Variants in NUDT5 observed in about 807,000 individuals in gnomAD.
NUDT5 encodes the protein ADP-sugar pyrophosphatase.
A neutral mutation model predicts 34.1 loss-of-function variants in NUDT5; 21 were observed. The ratio of observed to expected loss-of-function variants is 0.62; its 90% CI spans 0.44 to 0.89. The LOEUF (loss-of-function observed/expected upper bound fraction) is 0.89. NUDT5 is among the 40% of genes least tolerant of loss of function. The probability of loss-of-function intolerance (pLI) is 0.00; values close to 1 mark genes in which losing one functional copy is unlikely to be tolerated. For missense variants in NUDT5, 249 were observed against 274.8 expected (o/e 0.91, Z 0.66); for synonymous variants, 85 against 97.6 (o/e 0.87, Z 0.76).
chr10:12,169,353 A>G lies in NUDT5; in HGVS notation c.550+1364T>C, dbSNP rs752147895. The G allele has an allele frequency of 2.7e-6, 4 of 1,487,032 alleles. No homozygotes were observed. Among genetic ancestry groups the G allele is most frequent in the Admixed American group, 2.0e-5 (1 of 49,228 alleles). 92.1% of individuals were successfully genotyped at this position (1,487,032 alleles called of 1,614,324 possible). On this transcript the variant is annotated intron_variant, in intron 9 of 9. Transcript: ENST00000491614. This position sits in a 1 kb window ranked among gnomAD's most constrained non-coding sequence, Gnocchi z 4.8. The stretch of plus-strand genomic sequence containing the variant: ...AAGATAACCCCGCACGGCATTTCAC[A>G]CTTGCCTACGTCACCCTGCTTTCCA...
Position 12,181,017 on chromosome 10 carries a change from G to C in NUDT5, c.132-1885C>G, listed in dbSNP as rs1358904235. On this transcript the variant is annotated intron_variant, in intron 3 of 9. Transcript: ENST00000491614. The surrounding 1 kb of genome is among the most constrained non-coding windows in gnomAD (Gnocchi z 5.0). ...TTCATGAATGAGACGGTGGAACATA[G>C]GATTCTCTAGCTGCTATTTTATCTC... Among the ~76,000 whole-genome samples, 1 of 152,126 alleles carries C rather than the reference G, an allele frequency of 6.6e-6. No homozygotes were observed. The highest frequency in any genetic ancestry group is 1.5e-5 in the Non-Finnish European group (1 of 68,028).
Position 12,175,447 on chromosome 10 carries a change from G to C in NUDT5, c.290-1634C>G, listed in dbSNP as rs1834931765. ...GATCACTTGAGGCCAGGAGTTTGGG[G>C]CCAGCCTGGGTGACAAAGCAAAACC... On this transcript the variant is annotated intron_variant, in intron 5 of 9. Coordinates refer to ENST00000491614, the MANE Select transcript of NUDT5 (RefSeq NM_014142.4). The surrounding 1 kb of genome is among the most constrained non-coding windows in gnomAD (Gnocchi z 4.8). 1.3e-5 allele frequency among the ~76,000 whole-genome samples: 2 copies of C among 151,872 alleles called. No homozygotes were observed. The highest frequency in any genetic ancestry group is 4.8e-5 in the African/African-American group (2 of 41,346).
intron 3 of NUDT5, among the ~76,000 whole-genome samples, chr10:12,183,322 C>T (rs1835073916): frequency 1.3e-5 from 2 of 152,310 alleles, no homozygotes; most frequent in South Asian, 4.1e-4. Flanking sequence ...GTTGGTGGAT[C>T]ATACTGTGCT....
rs571324729 is a variant in NUDT5, at chr10:12,194,121, CGCCTCG to C, written c.-42+1643_-42+1648del. Among the ~76,000 whole-genome samples, 37 of 152,330 alleles carry C rather than the reference CGCCTCG, an allele frequency of 2.4e-4. No individual in the cohort carries two copies. The South Asian group carries it at 7.4e-3, about 31-fold the overall frequency. ...AACTCCTGACCTCAGGTGATGCGCC[CGCCTCG>C]GCCTCCCAGAGTGCTGGGATCACAG... On this transcript the variant is annotated intron_variant, in intron 1 of 9. Coordinates refer to ENST00000491614, the MANE Select transcript of NUDT5 (RefSeq NM_014142.4).
At chr10:12,192,804 T>C (rs912535472) in intron 1 of NUDT5, among the ~76,000 whole-genome samples, 3 of 152,056 alleles carry the variant, frequency 2.0e-5, no homozygotes, top group Admixed American at 2.0e-4. Context: ...TGAGCCAAGA[T>C]TGCACCACTG....
chr10:12,170,058 C>A lies in NUDT5; in HGVS notation c.550+659G>T. The A allele has an allele frequency of 6.4e-7, 1 of 1,566,232 alleles. No homozygotes were observed. Among genetic ancestry groups the A allele is most frequent in the Non-Finnish European group, 8.8e-7 (1 of 1,137,926 alleles). Reference sequence around the variant, plus strand: ...GGTATGTCTCCATACAGTATCTCCTCGTCTCCACACAGTATCTCCTCATGT... The same window carrying A: ...GGTATGTCTCCATACAGTATCTCCTAGTCTCCACACAGTATCTCCTCATGT... On this transcript the variant is annotated intron_variant, in intron 9 of 9. Transcript: ENST00000491614. The surrounding 1 kb of genome is among the most constrained non-coding windows in gnomAD (Gnocchi z 4.9).
chr10:12,192,423 A>G (rs1236430882), intron 1 of NUDT5, among the ~76,000 whole-genome samples: 1 of 152,244 alleles, frequency 6.6e-6, no homozygotes, highest in African/African-American at 2.4e-5. Flanking sequence ...GGGCATGTCT[A>G]AAGTGGCAAT....
At position 12,165,527 on chromosome 10, in the gene NUDT5, T is replaced by C. The variant is rs1250967142; in HGVS notation, c.*2175A>G. The C allele has an allele frequency of 1.3e-5, 3 of 228,092 alleles. No homozygotes were observed. Among genetic ancestry groups the C allele is most frequent in the Admixed American group, 6.5e-5 (1 of 15,354 alleles). The allele number at this position is 228,092 out of a possible 1,614,324, so 14.1% of individuals were successfully genotyped here. A position where few individuals can be genotyped will look rare whatever the true frequency, so the allele number is the denominator to read the frequency against. On this transcript the variant is annotated 3_prime_UTR_variant, in exon 10 of 10. Transcript: ENST00000491614. Reference sequence around the variant, plus strand: ...TAATCCTAAATTATTGACAGATAGATAGATAGTGACCAACTTAAGGGTAAT... The same window carrying C: ...TAATCCTAAATTATTGACAGATAGACAGATAGTGACCAACTTAAGGGTAAT...
In NUDT5 at chr10:12,169,237, T is replaced by C; in HGVS notation, c.551-1426A>G. 1 of 1,520,172 alleles carries C rather than the reference T, an allele frequency of 6.6e-7. No individual in the cohort carries two copies. Among genetic ancestry groups the C allele is most frequent in the East Asian group, 2.5e-5 (1 of 40,634 alleles). 94.2% of individuals were successfully genotyped at this position (1,520,172 alleles called of 1,614,324 possible). A position where few individuals can be genotyped will look rare whatever the true frequency, so the allele number is the denominator to read the frequency against. ...TCTCCACCTCCCCTCACTTATTCTA[T>C]TTTTTTCTCCCTTTTCTAAGACCAA... On this transcript the variant is annotated intron_variant, in intron 9 of 9. Transcript: ENST00000491614. The surrounding 1 kb of genome is among the most constrained non-coding windows in gnomAD (Gnocchi z 4.8).
intron 3 of NUDT5, among the ~76,000 whole-genome samples, chr10:12,183,413 CT>C (rs1203362555): frequency 6.6e-6 from 1 of 152,172 alleles, no homozygotes; most frequent in Non-Finnish European, 1.5e-5. Context: ...CACATTAGGC[CT>C]TATTAAGGGC....
intron 1 of NUDT5, among the ~76,000 whole-genome samples, chr10:12,191,425 A>ACC (rs1554804191): frequency 6.6e-6 from 1 of 152,016 alleles, no homozygotes; most frequent in Admixed American, 6.6e-5. Context: ...ACAAAGGAAA[A>ACC]ACCACCACCA....
rs1834932680 is a variant in NUDT5 at position 12,175,488 on chromosome 10, AT to A, written c.290-1676del. Among the ~76,000 whole-genome samples, 1 of 152,030 alleles carries A rather than the reference AT, an allele frequency of 6.6e-6. No homozygotes were observed. The highest frequency in any genetic ancestry group is 2.4e-5 in the African/African-American group (1 of 41,386). On this transcript the variant is annotated intron_variant, in intron 5 of 9. Coordinates refer to ENST00000491614, the MANE Select transcript of NUDT5 (RefSeq NM_014142.4). This position sits in a 1 kb window ranked among gnomAD's most constrained non-coding sequence, Gnocchi z 4.8. Reference sequence around the variant, plus strand: ...AAGCAAAACCCCATCTCTACAAAAAATTTAAAAATCGAATGCGGTGATGCAC... The same window carrying A: ...AAGCAAAACCCCATCTCTACAAAAAATTAAAAATCGAATGCGGTGATGCAC...
Position 12,195,883 on chromosome 10 carries a change from A to G in NUDT5, c.-155T>C. 7.1e-6 allele frequency: 2 copies of G among 280,078 alleles called. No homozygotes were observed. The highest frequency in any genetic ancestry group is 1.4e-5 in the Non-Finnish European group (2 of 143,474). The allele number at this position is 280,078 out of a possible 1,614,324, so 17.3% of individuals were successfully genotyped here. A position where few individuals can be genotyped will look rare whatever the true frequency, so the allele number is the denominator to read the frequency against. ...CACCGGCGCCTCTCGCGGTGCTAAAAGGATGGGCGCGCACCCTCCTTCCGG... is the reference window on the plus strand; with the variant it reads ...CACCGGCGCCTCTCGCGGTGCTAAAGGGATGGGCGCGCACCCTCCTTCCGG... On this transcript the variant is annotated 5_prime_UTR_variant, in exon 1 of 10. Transcript: ENST00000491614.
At chr10:12,177,663 G>C in intron 5 of NUDT5, 130 bp downstream of exon 5, 1 of 691,932 alleles carries the variant, frequency 1.4e-6, no homozygotes, top group Non-Finnish European at 2.5e-6. Context: ...GCCTCGCTAC[G>C]AAATGGTTTA....
chr10:12,176,293 G>A (rs1834949011), intron 5 of NUDT5, among the ~76,000 whole-genome samples: 3 of 152,186 alleles, frequency 2.0e-5, no homozygotes, highest in Non-Finnish European at 2.9e-5. Context: ...TGTGTTACCA[G>A]CAGCTAGCCT....
rs1367299272 is a variant in NUDT5 at position 12,168,675 on chromosome 10, G to C, written c.551-864C>G. On this transcript the variant is annotated intron_variant, in intron 9 of 9. Transcript: ENST00000491614. The surrounding 1 kb of genome is among the most constrained non-coding windows in gnomAD (Gnocchi z 4.8). ...GGGAACAAGCCTGGGGACATTTGCA[G>C]GCAGGAAGCATGTCCTACTCACCTG... 6.6e-6 allele frequency among the ~76,000 whole-genome samples: 1 copy of C among 152,156 alleles called. No homozygotes were observed. Among genetic ancestry groups the C allele is most frequent in the African/African-American group, 2.4e-5 (1 of 41,430 alleles).
At chr10:12,177,925 G>T (rs187617726) in intron 4 of NUDT5, 25 bp from the exon 5 acceptor site, 1 of 1,576,650 alleles carries the variant, frequency 6.3e-7, no homozygotes, top group East Asian at 2.2e-5. Flanking sequence ...TGGAACCAAG[G>T]AAATCCCTAA....
chr10:12,191,339 C>T (rs959029457), intron 1 of NUDT5, among the ~76,000 whole-genome samples: 3 of 151,934 alleles, frequency 2.0e-5, no homozygotes, highest in African/African-American at 7.3e-5. Context: ...GCCAAGATTG[C>T]GCCACTGCAC....
intron 1 of NUDT5, among the ~76,000 whole-genome samples, chr10:12,191,390 A>G (rs1213322869): frequency 4.5e-5 from 6 of 133,850 alleles, no homozygotes; most frequent in African/African-American, 1.4e-4. Flanking sequence ...CTCAAAAACA[A>G]AAACAAAACA....
Sources: gnomAD v4.1 joint callset for allele counts (sites outside exome capture counted in the v4.1 genomes callset) on GRCh38, gnomAD v4.1.1 for gene constraint, Gnocchi (gnomAD v3.1) non-coding constraint, MANE v1.5 for transcripts, NCBI Gene and HGNC (gene_info 2026-07-23, HGNC 2026-07-21) for gene names.